The following ANKS3 variants were observed in gnomAD, a reference collection of about 807,000 sequenced individuals.
The protein encoded by ANKS3 is ankyrin repeat and sterile alpha motif domain containing 3, also known as ankyrin repeat and SAM domain-containing protein 3.
In ANKS3, 62 loss-of-function variants were observed where a neutral mutation model predicts 80.7. That is an observed-to-expected ratio of 0.77 (90% CI 0.63 to 0.95). The LOEUF (loss-of-function observed/expected upper bound fraction) is 0.95. Among genes scored for constraint, ANKS3 ranks in the 40% least tolerant of loss-of-function variants. The pLI is 0.00. For missense variants in ANKS3, 1,150 were observed against 883.6 expected (o/e 1.30, Z -3.82); for synonymous variants, 489 against 355.3 (o/e 1.38, Z -4.23).
intron 15 of ANKS3, 108 bp from the exon 16 acceptor site, chr16:4,697,524 C>G (rs1245490131): frequency 1.1e-5 from 10 of 901,780 alleles, no homozygotes; most frequent in Admixed American, 3.0e-5. Context: ...TCAGAACCTC[C>G]CTACCCGCCT....
intron 6 of ANKS3, among the ~76,000 whole-genome samples, chr16:4,718,237 C>A (rs2080906662): frequency 6.6e-6 from 1 of 152,134 alleles, no homozygotes. Flanking sequence ...AAATTTTTAA[C>A]TACTTAGGCT....
At chr16:4,706,866 A>T (rs1191658349) in intron 7 of ANKS3, among the ~76,000 whole-genome samples, 2 of 152,202 alleles carry the variant, frequency 1.3e-5, no homozygotes, top group African/African-American at 4.8e-5. Flanking sequence ...TGAGCCTGAC[A>T]CTGAGAAAGG....
At chr16:4,721,341 G>C (rs1184258068) in intron 6 of ANKS3, among the ~76,000 whole-genome samples, 1 of 150,852 alleles carries the variant, frequency 6.6e-6, no homozygotes, top group African/African-American at 2.4e-5. Flanking sequence ...GGGTGCGTTG[G>C]CTCGTGCCTG....
rs142882214 is a variant in ANKS3, at chr16:4,722,453, T to G, written c.573+2297A>C. 6.2e-3 allele frequency among the ~76,000 whole-genome samples: 947 copies of G among 151,832 alleles called. 8 individuals carry two copies. The highest frequency in any genetic ancestry group is 0.022 in the African/African-American group (895 of 41,394). On this transcript the variant is annotated intron_variant, in intron 6 of 17. Transcript: ENST00000304283. Reference sequence around the variant, plus strand: ...AAATTAGCCGGGATTTTTTGTATTTTTAGTCCCAGCTACTCGGGAGGCTGA... The same window carrying G: ...AAATTAGCCGGGATTTTTTGTATTTGTAGTCCCAGCTACTCGGGAGGCTGA...
At chr16:4,701,179 G>C (rs780164841) in intron 10 of ANKS3, 45 bp from the exon 11 acceptor site, 1 of 1,610,120 alleles carries the variant, frequency 6.2e-7, no homozygotes, top group Non-Finnish European at 8.5e-7. Flanking sequence ...GGGCTAACTT[G>C]AGAGCCTTGG....
In ANKS3 at chr16:4,697,271, G is replaced by A. The variant is rs988086127; in HGVS notation, c.1894+62C>T. The A allele has an allele frequency of 7.1e-6, 11 of 1,553,060 alleles. No homozygotes were observed. The African/African-American group carries it at 1.2e-4, about 17-fold the overall frequency. On this transcript the variant is annotated intron_variant, in intron 16 of 17. Coordinates refer to ENST00000304283, the MANE Select transcript of ANKS3 (RefSeq NM_133450.4). ...CACAAACCCGCTTTCCCTGGAAAGGGGTCCCTTTGCCTCCCTCGGAAACAA... is the reference window on the plus strand; with the variant it reads ...CACAAACCCGCTTTCCCTGGAAAGGAGTCCCTTTGCCTCCCTCGGAAACAA...
At chr16:4,725,055 G>C (rs1171085438) in intron 5 of ANKS3, 1 of 391,698 alleles carries the variant, frequency 2.6e-6, no homozygotes, top group African/African-American at 2.1e-5. Context: ...TTGTCCTAAA[G>C]ACAGATGTCT....
In ANKS3 at chr16:4,716,610, C is replaced by T. The variant is rs953694404; in HGVS notation, c.574-2424G>A. Reference sequence around the variant, plus strand: ...CTCTGATTAAAAATTACCTATGAGACTTTGTGCCTTAAAAAATAATTTATA... The same window carrying T: ...CTCTGATTAAAAATTACCTATGAGATTTTGTGCCTTAAAAAATAATTTATA... On this transcript the variant is annotated intron_variant, in intron 6 of 17. Transcript: ENST00000304283. Among the ~76,000 whole-genome samples, 6 of 151,944 alleles carry T rather than the reference C, an allele frequency of 3.9e-5. No individual in the cohort carries two copies. The East Asian group carries it at 9.7e-4, about 25-fold the overall frequency.
chr16:4,728,395 C>T (rs1261361915), intron 3 of ANKS3, among the ~76,000 whole-genome samples: 1 of 152,144 alleles, frequency 6.6e-6, no homozygotes, highest in Non-Finnish European at 1.5e-5. Context: ...TGCCTGGCAG[C>T]CCTCAGTGAC....
chr16:4,724,847 C>T lies in ANKS3; in HGVS notation c.492-16G>A. On this transcript the variant is annotated splice_polypyrimidine_tract_variant and intron_variant, in intron 5 of 17. Coordinates refer to ENST00000304283, the MANE Select transcript of ANKS3 (RefSeq NM_133450.4). The stretch of plus-strand genomic sequence containing the variant: ...TATCGGCTCCCTGCAAGATGTGGGC[C>T]ACAGTCAGATGATTGGAAGAGACAA... 1 of 1,613,078 alleles carries T rather than the reference C, an allele frequency of 6.2e-7. No individual in the cohort carries two copies. Among genetic ancestry groups the T allele is most frequent in the South Asian group, 1.1e-5 (1 of 90,914 alleles).
intron 3 of ANKS3, chr16:4,727,499 T>C (rs1343132889): frequency 2.5e-6 from 1 of 407,526 alleles, no homozygotes; most frequent in Non-Finnish European, 4.6e-6. Context: ...GAAGGCATTT[T>C]TGGTTCTCAC....
chr16:4,717,309 G>C (rs937552818), intron 6 of ANKS3: 7 of 152,090 alleles, frequency 4.6e-5, no homozygotes, highest in South Asian at 2.1e-4. Flanking sequence ...AGCACTTTTG[G>C]AGGCTGAGGT....
intron 7 of ANKS3, among the ~76,000 whole-genome samples, chr16:4,713,246 C>T (rs2080596521): frequency 6.6e-6 from 1 of 151,642 alleles, no homozygotes; most frequent in African/African-American, 2.4e-5. Context: ...CCAGCCTGAG[C>T]AACAAGAGCG....
chr16:4,726,947 G>A (rs1416451143), intron 4 of ANKS3, 32 bp downstream of exon 4: 1 of 1,613,062 alleles, frequency 6.2e-7, no homozygotes, highest in Non-Finnish European at 8.5e-7. Flanking sequence ...GAGCCCCTCA[G>A]GTTTCTGGGC....
chr16:4,723,545 C>A (rs1420257476), intron 6 of ANKS3, among the ~76,000 whole-genome samples: 1 of 152,230 alleles, frequency 6.6e-6, no homozygotes, highest in Non-Finnish European at 1.5e-5. Context: ...GCCTCAGCCT[C>A]CCAAAGTGTT....
chr16:4,703,079 A>T (rs1050758491), intron 8 of ANKS3, among the ~76,000 whole-genome samples: 1 of 152,194 alleles, frequency 6.6e-6, no homozygotes, highest in Non-Finnish European at 1.5e-5. Flanking sequence ...AGTTATGGAG[A>T]AGTTTTTCTA....
rs768605878 is a variant in ANKS3 at position 4,699,083 on chromosome 16, T to C, written c.1378A>G (p.Thr460Ala). ...CCAATTTCCTTCAGGTCGCTCTCAG[T>C]GAGGGTCAGAAAGATGCGGAGGTCC... ...DVDLRIFLTLTESDLKEIGIT... is the reference protein window; with the variant it reads ...DVDLRIFLTLAESDLKEIGIT... Residue 460 changes from threonine to alanine, a missense_variant, in exon 12 of 18, where the codon ACT becomes GCT. By Grantham distance (58) the Thr-to-Ala change is moderately conservative (BLOSUM62 0). Coordinates refer to ENST00000304283, the MANE Select transcript of ANKS3 (RefSeq NM_133450.4). The C allele has an allele frequency of 6.2e-7, 1 of 1,614,132 alleles. No individual in the cohort carries two copies. Among genetic ancestry groups the C allele is most frequent in the Admixed American group, 1.7e-5 (1 of 60,030 alleles).
chr16:4,696,914 G>T lies in ANKS3; in HGVS notation c.*12-18C>A. ...GTCAGATTCTGAAAGAAAAAGCCCC[G>T]GTGAGAAGGGAGGGGGACAGGTGGG... On this transcript the variant is annotated intron_variant, in intron 17 of 17. Transcript: ENST00000304283. 1 of 1,062,980 alleles carries T rather than the reference G, an allele frequency of 9.4e-7. No individual in the cohort carries two copies. The highest frequency in any genetic ancestry group is 1.4e-6 in the Non-Finnish European group (1 of 710,976). 65.8% of individuals were successfully genotyped at this position (1,062,980 alleles called of 1,614,324 possible).
chr16:4,705,328 A>G, intron 7 of ANKS3, 75 bp from the exon 8 acceptor site: 1 of 1,534,062 alleles, frequency 6.5e-7, no homozygotes, highest in Non-Finnish European at 8.9e-7. Context: ...GCAAACTGAA[A>G]GAAAGTGACT....
Sources: gnomAD v4.1 joint callset for allele counts (sites outside exome capture counted in the v4.1 genomes callset) on GRCh38, gnomAD v4.1.1 for gene constraint, MANE v1.5 for transcripts, NCBI Gene and HGNC (gene_info 2026-07-23, HGNC 2026-07-21) for gene names.